KIAA1217: variants seen among roughly 807,000 people sequenced by gnomAD.
The protein encoded by KIAA1217 is sickle tail protein homolog.
A neutral mutation model predicts 163.9 loss-of-function variants in KIAA1217; 88 were observed. The ratio of observed to expected loss-of-function variants is 0.54; its 90% CI spans 0.45 to 0.64. The LOEUF is 0.64. Among genes scored for constraint, KIAA1217 ranks in the 30% least tolerant of loss-of-function variants. The pLI is 0.00. For missense variants in KIAA1217, 2,372 were observed against 2,475.0 expected (o/e 0.96, Z 0.88); for synonymous variants, 903 against 923.1 (o/e 0.98, Z 0.39).
intron 9 of KIAA1217, among the ~76,000 whole-genome samples, chr10:24,507,371 A>G (rs552372610): frequency 6.6e-6 from 1 of 152,216 alleles, no homozygotes; most frequent in South Asian, 2.1e-4. Flanking sequence ...TGGCAGGGAT[A>G]ATGAAATCAG....
At chr10:24,072,235 C>G (rs2061213560) in intron 2 of KIAA1217, among the ~76,000 whole-genome samples, 2 of 151,902 alleles carry the variant, frequency 1.3e-5, no homozygotes, top group African/African-American at 4.8e-5. Context: ...ACTATGTTGC[C>G]CAGGCTAGCC....
intron 3 of KIAA1217, among the ~76,000 whole-genome samples, chr10:24,409,083 A>G (rs1369070191): frequency 6.6e-6 from 1 of 152,182 alleles, no homozygotes; most frequent in East Asian, 1.9e-4. Context: ...GCACTTTTAC[A>G]TACACAGTCT....
chr10:24,304,523 A>G (rs990536175), intron 2 of KIAA1217, among the ~76,000 whole-genome samples: 2 of 151,582 alleles, frequency 1.3e-5, no homozygotes, highest in African/African-American at 2.4e-5. Context: ...TCATTTTTTT[A>G]TAGGGACGGG....
intron 2 of KIAA1217, among the ~76,000 whole-genome samples, chr10:24,322,023 A>G (rs368869635): frequency 6.6e-6 from 1 of 152,158 alleles, no homozygotes; most frequent in African/African-American, 2.4e-5. Flanking sequence ...ATCTCGGCTC[A>G]CTGCAATCTC....
chr10:23,768,917 T>C (rs1834668146), intron 1 of KIAA1217, among the ~76,000 whole-genome samples: 1 of 152,120 alleles, frequency 6.6e-6, no homozygotes, highest in Non-Finnish European at 1.5e-5. Context: ...GTAATAAGCA[T>C]TGATTTCTAT....
intron 1 of KIAA1217, among the ~76,000 whole-genome samples, chr10:23,703,318 G>T (rs1312911553): frequency 6.6e-6 from 1 of 152,080 alleles, no homozygotes; most frequent in Non-Finnish European, 1.5e-5. Flanking sequence ...TCTTTTCTTT[G>T]CAAGAACGGG....
At chr10:24,434,025 CTTTTTTTT>C (rs569791889) in intron 4 of KIAA1217, among the ~76,000 whole-genome samples, 108 of 72,636 alleles carry the variant, frequency 1.5e-3, no homozygotes, top group African/African-American at 6.7e-3. Context: ...CTCTCTCTCT[CTTTTTTTT>C]TTTTTTTTTT....
chr10:23,965,710 A>T (rs1845038447), intron 1 of KIAA1217, among the ~76,000 whole-genome samples: 1 of 152,198 alleles, frequency 6.6e-6, no homozygotes, highest in Non-Finnish European at 1.5e-5. Context: ...CCACAGCAAC[A>T]CATCTTCAGC....
chr10:23,733,725 T>C (rs2130793805), intron 1 of KIAA1217, among the ~76,000 whole-genome samples: 1 of 152,246 alleles, frequency 6.6e-6, no homozygotes, highest in Non-Finnish European at 1.5e-5. Flanking sequence ...TGAATTGTAG[T>C]ATATGGCACC....
chr10:24,312,309 TAAAAAA>T (rs1228932678), intron 2 of KIAA1217, among the ~76,000 whole-genome samples: 4 of 131,106 alleles, frequency 3.1e-5, no homozygotes, highest in African/African-American at 1.1e-4. Flanking sequence ...GTCATAGATT[TAAAAAA>T]AAAAAAAAAA....
chr10:24,336,886 C>T (rs1277605784), intron 2 of KIAA1217, among the ~76,000 whole-genome samples: 1 of 152,130 alleles, frequency 6.6e-6, no homozygotes, highest in Non-Finnish European at 1.5e-5. Context: ...GAACGCTTAC[C>T]TTATGCCGTA....
At chr10:24,254,152 C>G (rs911826363) in intron 2 of KIAA1217, among the ~76,000 whole-genome samples, 3 of 152,282 alleles carry the variant, frequency 2.0e-5, no homozygotes, top group Non-Finnish European at 4.4e-5. Flanking sequence ...CTTCTCCCCT[C>G]TCCTGGCTCA....
At chr10:24,356,340 C>T (rs558203070) in intron 2 of KIAA1217, among the ~76,000 whole-genome samples, 6 of 152,306 alleles carry the variant, frequency 3.9e-5, no homozygotes, top group Non-Finnish European at 7.3e-5. Context: ...AAAACAGCAT[C>T]GAATGCTGAA....
At chr10:24,019,827 T>A (rs569644527) in intron 2 of KIAA1217, among the ~76,000 whole-genome samples, 2 of 151,544 alleles carry the variant, frequency 1.3e-5, no homozygotes, top group South Asian at 4.2e-4. Context: ...ATCAAGATAA[T>A]CTAAAAAATA....
chr10:24,371,269 G>A (rs1162300391), intron 2 of KIAA1217, among the ~76,000 whole-genome samples: 1 of 152,086 alleles, frequency 6.6e-6, no homozygotes, highest in East Asian at 1.9e-4. Context: ...CCTCTGCAAG[G>A]CAACAGATTT....
intron 5 of KIAA1217, among the ~76,000 whole-genome samples, chr10:24,466,023 G>GT (rs1370544497): frequency 6.6e-6 from 1 of 152,166 alleles, no homozygotes; most frequent in East Asian, 1.9e-4. Flanking sequence ...GTTCAGCGTG[G>GT]TAAAACAGGG....
rs533801197 is a variant in KIAA1217 at position 23,715,919 on chromosome 10, T to A, written c.-321+20685T>A. 1.2e-4 allele frequency among the ~76,000 whole-genome samples: 18 copies of A among 152,280 alleles called. No individual in the cohort carries two copies. The South Asian group carries it at 3.7e-3, about 32-fold the overall frequency. On this transcript the variant is annotated intron_variant, in intron 1 of 18. Coordinates refer to the KIAA1217 transcript ENST00000376462. ...GATCTTTAAAAAAGAAATAGTTTTC[T>A]TTTAAAGGGAAACACATTGCACCAA...
intron 1 of KIAA1217, among the ~76,000 whole-genome samples, chr10:23,829,365 G>A (rs1330738607): frequency 6.6e-6 from 1 of 152,128 alleles, no homozygotes; most frequent in Non-Finnish European, 1.5e-5. Flanking sequence ...CTAGAGGAAG[G>A]CAAACTCTCA....
chr10:23,824,658 A>G (rs12765446), intron 1 of KIAA1217, among the ~76,000 whole-genome samples: 2 of 53,040 alleles, frequency 3.8e-5, no homozygotes, highest in Admixed American at 3.0e-4. Flanking sequence ...AAATAAAAAA[A>G]ATATATATAT....
Sources: allele counts gnomAD v4.1 joint callset (sites outside exome capture counted in the v4.1 genomes callset), GRCh38; gene constraint gnomAD v4.1.1; transcripts MANE v1.5; gene names NCBI Gene and HGNC (gene_info 2026-07-23, HGNC 2026-07-21).